ADCY2: variants seen among roughly 807,000 people sequenced by gnomAD.
ADCY2 encodes adenylate cyclase 2.
In ADCY2, 31 loss-of-function variants were observed where a neutral mutation model predicts 125.2. The ratio of observed to expected loss-of-function variants is 0.25; its 90% CI spans 0.19 to 0.33. ADCY2 has a LOEUF of 0.33. ADCY2 is among the 10% of genes least tolerant of loss of function. The pLI is 1.00. For synonymous variants in ADCY2, 512 were observed against 548.4 expected, an observed-to-expected ratio of 0.93 and a Z score of 0.93; for missense variants, 904 against 1,418.2, an observed-to-expected ratio of 0.64 and a Z score of 5.82.
At position 7,626,235 on chromosome 5, in the gene ADCY2, A is replaced by C. The variant is rs766735350; in HGVS notation, c.639A>C (p.Glu213Asp). The change falls in exon 4 of 25, where the codon GAA becomes GAC. Residue 213 changes from glutamate to aspartate, a missense_variant. This residue lies in a region of ADCY2 where 117 missense variants were observed against 248.0 expected (regional missense o/e 0.47). Coordinates refer to ENST00000338316, the MANE Select transcript of ADCY2 (RefSeq NM_020546.3). ...LAGAYHKHLMELALQQTYQDT... is the reference protein window; with the variant it reads ...LAGAYHKHLMDLALQQTYQDT... ...GAGCCTACCATAAGCACCTCATGGA[A>C]CTCGCTCTTCAGCAAACATATCAGG... The C allele has an allele frequency of 2.5e-6, 4 of 1,614,038 alleles. No individual in the cohort carries two copies. The South Asian group carries it at 4.4e-5, about 18-fold the overall frequency.
intron 3 of ADCY2, among the ~76,000 whole-genome samples, chr5:7,617,579 C>T (rs1241331649): frequency 6.6e-6 from 1 of 152,208 alleles, no homozygotes; most frequent in African/African-American, 2.4e-5. Flanking sequence ...CTGGGAAAAG[C>T]AGCTGCAGTC....
At chr5:7,662,989 TCA>T (rs1561152478) in intron 4 of ADCY2, among the ~76,000 whole-genome samples, 1 of 151,822 alleles carries the variant, frequency 6.6e-6, no homozygotes, top group Non-Finnish European at 1.5e-5. Flanking sequence ...GCAGTGAAAT[TCA>T]TACATTCATT....
At chr5:7,418,659 T>G (rs539876486) in intron 2 of ADCY2, among the ~76,000 whole-genome samples, 2,942 of 135,634 alleles carry the variant, frequency 0.022, 104 homozygotes, top group Middle Eastern at 0.032. Context: ...TTTTTTTTTT[T>G]TTTTTTTTTT....
chr5:7,791,199 T>C (rs575039406), intron 20 of ADCY2, among the ~76,000 whole-genome samples: 2 of 152,042 alleles, frequency 1.3e-5, no homozygotes, highest in Non-Finnish European at 2.9e-5. Flanking sequence ...CTTGCATGAC[T>C]CAGTTCCCAA....
At chr5:7,490,650 CACAT>C (rs1014301900) in intron 2 of ADCY2, among the ~76,000 whole-genome samples, 7 of 152,000 alleles carry the variant, frequency 4.6e-5, no homozygotes, top group Admixed American at 3.3e-4. Flanking sequence ...CGCACACACA[CACAT>C]GCATGCATGC....
chr5:7,466,563 A>G (rs1742124034), intron 2 of ADCY2, among the ~76,000 whole-genome samples: 2 of 152,180 alleles, frequency 1.3e-5, no homozygotes, highest in Non-Finnish European at 1.5e-5. Flanking sequence ...TCTGTCTCTA[A>G]TCACTGTGCT....
intron 10 of ADCY2, among the ~76,000 whole-genome samples, chr5:7,711,041 C>A (rs1227505628): frequency 1.3e-5 from 2 of 152,190 alleles, no homozygotes; most frequent in Non-Finnish European, 2.9e-5. Flanking sequence ...TAAGACTTTT[C>A]TGCTGGACCG....
At chr5:7,607,863 T>C (rs1009794211) in intron 3 of ADCY2, among the ~76,000 whole-genome samples, 3 of 151,626 alleles carry the variant, frequency 2.0e-5, no homozygotes, top group African/African-American at 7.3e-5. Flanking sequence ...AGTGGAGTCA[T>C]AAATAAATTG....
chr5:7,448,996 C>T (rs575092860), intron 2 of ADCY2, among the ~76,000 whole-genome samples: 3 of 152,276 alleles, frequency 2.0e-5, no homozygotes, highest in East Asian at 3.9e-4. Flanking sequence ...ATATACCCAG[C>T]AATGGAATTA....
intron 14 of ADCY2, among the ~76,000 whole-genome samples, chr5:7,728,284 T>C (rs147621423): frequency 0.015 from 2,234 of 152,290 alleles, 29 homozygotes; most frequent in Non-Finnish European, 0.022. Context: ...GATTTTCTTC[T>C]GGGCACTGAG....
intron 4 of ADCY2, among the ~76,000 whole-genome samples, chr5:7,681,076 T>C (rs1439375218): frequency 6.6e-6 from 1 of 152,234 alleles, no homozygotes. Context: ...GAGTTACATT[T>C]AATAAAATTC....
At chr5:7,521,810 C>T (rs769214696) in intron 3 of ADCY2, among the ~76,000 whole-genome samples, 19 of 152,182 alleles carry the variant, frequency 1.2e-4, no homozygotes, top group Non-Finnish European at 1.3e-4. Context: ...AAGCTTTCTG[C>T]GGATCACTTT....
intron 3 of ADCY2, among the ~76,000 whole-genome samples, chr5:7,613,524 C>T (rs970268978): frequency 1.3e-5 from 2 of 152,218 alleles, no homozygotes; most frequent in African/African-American, 4.8e-5. Flanking sequence ...GCATTTCTAA[C>T]CAACTGACTA....
intron 9 of ADCY2, among the ~76,000 whole-genome samples, chr5:7,708,321 T>A (rs893142078): frequency 6.6e-6 from 1 of 152,186 alleles, no homozygotes; most frequent in African/African-American, 2.4e-5. Context: ...CTTGCGAGAT[T>A]GTCTGTATGC....
At chr5:7,824,061 G>A (rs915585496) in intron 24 of ADCY2, among the ~76,000 whole-genome samples, 4 of 152,156 alleles carry the variant, frequency 2.6e-5, no homozygotes, top group Non-Finnish European at 5.9e-5. Context: ...CCGAAGGTGT[G>A]GCTTGCTTCC....
At chr5:7,649,326 G>A (rs1468001540) in intron 4 of ADCY2, among the ~76,000 whole-genome samples, 1 of 152,178 alleles carries the variant, frequency 6.6e-6, no homozygotes, top group Admixed American at 6.5e-5. Flanking sequence ...TGCATCATCA[G>A]TTTATAGCAA....
intron 3 of ADCY2, among the ~76,000 whole-genome samples, chr5:7,625,384 T>C (rs757342364): frequency 3.3e-5 from 5 of 152,212 alleles, no homozygotes; most frequent in Non-Finnish European, 7.3e-5. Context: ...CAAAGTAAAG[T>C]ATGCCACCAA....
intron 2 of ADCY2, among the ~76,000 whole-genome samples, chr5:7,489,160 C>G (rs538801101): frequency 7.9e-5 from 12 of 152,232 alleles, no homozygotes; most frequent in Admixed American, 1.3e-4. Flanking sequence ...TTGGATACCC[C>G]CCTTTGCTGC....
intron 2 of ADCY2, among the ~76,000 whole-genome samples, chr5:7,463,964 A>T (rs1474030528): frequency 1.3e-5 from 2 of 152,156 alleles, no homozygotes; most frequent in Non-Finnish European, 2.9e-5. Flanking sequence ...CATCTTATGT[A>T]ACACCCAAGT....
Sources: gnomAD v4.1 joint callset for allele counts (sites outside exome capture counted in the v4.1 genomes callset) on GRCh38, gnomAD v4.1.1 for gene constraint, gnomAD v4.1.1 regional missense constraint, MANE v1.5 for transcripts, NCBI Gene and HGNC (gene_info 2026-07-23, HGNC 2026-07-21) for gene names.